Variants in SYT16 observed in about 807,000 individuals in gnomAD.
The protein encoded by SYT16 is synaptotagmin-16.
SYT16 carries 42 observed loss-of-function variants against 61.4 expected under a neutral mutation model. The ratio of observed to expected loss-of-function variants is 0.68; its 90% confidence interval spans 0.53 to 0.89. The LOEUF (loss-of-function observed/expected upper bound fraction) is 0.89. Among genes scored for constraint, SYT16 ranks in the 40% least tolerant of loss-of-function variants. The pLI is 0.00. For synonymous variants in SYT16, 314 were observed against 302.3 expected (o/e 1.04, Z -0.40); for missense variants, 804 against 807.3 (o/e 1.00, Z 0.05).
chr14:62,030,351 C>T (rs1175297938), intron 3 of SYT16, among the ~76,000 whole-genome samples: 2 of 152,156 alleles, frequency 1.3e-5, no homozygotes, highest in Non-Finnish European at 2.9e-5. Context: ...AGAACTTACT[C>T]AGAGAATATT....
chr14:62,086,149 G>A (rs996933123), intron 7 of SYT16, among the ~76,000 whole-genome samples: 2 of 152,100 alleles, frequency 1.3e-5, no homozygotes, highest in African/African-American at 4.8e-5. Flanking sequence ...AACAAACCAA[G>A]GTGTGAATTC....
intron 3 of SYT16, among the ~76,000 whole-genome samples, chr14:62,025,467 T>C (rs2054066990): frequency 2.0e-5 from 3 of 152,136 alleles, no homozygotes; most frequent in Admixed American, 2.0e-4. Flanking sequence ...CTGTTGAGTT[T>C]TAAGAGTTGT....
intron 1 of SYT16, among the ~76,000 whole-genome samples, chr14:61,888,242 C>T (rs377504426): frequency 2.4e-4 from 36 of 151,872 alleles, no homozygotes; most frequent in East Asian, 2.1e-3. Flanking sequence ...CTCAGCCTCC[C>T]GAGTAGCTGG....
chr14:62,087,284 A>G (rs1392180563), intron 7 of SYT16, among the ~76,000 whole-genome samples: 1 of 152,202 alleles, frequency 6.6e-6, no homozygotes, highest in African/African-American at 2.4e-5. Flanking sequence ...TGAGTGGGGA[A>G]AGGCGGAGGC....
At chr14:61,947,976 T>C (rs2050515681) in intron 1 of SYT16, among the ~76,000 whole-genome samples, 1 of 152,126 alleles carries the variant, frequency 6.6e-6, no homozygotes, top group African/African-American at 2.4e-5. Context: ...AAGTACTTGG[T>C]GTGTTTAGAA....
At chr14:61,818,666 A>G (rs917396582) in intron 1 of SYT16, among the ~76,000 whole-genome samples, 3 of 147,328 alleles carry the variant, frequency 2.0e-5, no homozygotes, top group African/African-American at 7.6e-5. Context: ...AGACACAGTG[A>G]GACTCTGTCT....
At chr14:61,854,084 ACACCC>A (rs1009779794) in intron 1 of SYT16, among the ~76,000 whole-genome samples, 3 of 152,122 alleles carry the variant, frequency 2.0e-5, no homozygotes, top group African/African-American at 7.2e-5. Flanking sequence ...TGATACACAC[ACACCC>A]CCACCCCAAT....
chr14:61,957,017 T>C (rs1046355039), intron 1 of SYT16, among the ~76,000 whole-genome samples: 2 of 151,952 alleles, frequency 1.3e-5, no homozygotes, highest in African/African-American at 4.8e-5. Flanking sequence ...CATGTATAAG[T>C]CTTTCACCTC....
At chr14:61,830,529 T>TTA (rs2045905681) in intron 1 of SYT16, among the ~76,000 whole-genome samples, 1 of 152,184 alleles carries the variant, frequency 6.6e-6, no homozygotes, top group Non-Finnish European at 1.5e-5. Context: ...TTCCCAAAAC[T>TTA]TTACTATGTT....
chr14:61,933,269 A>G lies in SYT16; in HGVS notation c.-324-36863A>G, dbSNP rs75358221. On this transcript the variant is annotated intron_variant, in intron 1 of 7. Transcript: ENST00000683842. ...GAGACAGACACAAAGCTCCTTTCCCATTGTCTGTTTTCACAAAGATTCTGG... is the reference window on the plus strand; with the variant it reads ...GAGACAGACACAAAGCTCCTTTCCCGTTGTCTGTTTTCACAAAGATTCTGG... Among the ~76,000 whole-genome samples the G allele has an allele frequency of 3.7e-3, 571 of 152,314 alleles. 3 individuals are homozygous for G. Among genetic ancestry groups the G allele is most frequent in the South Asian group, 0.016 (75 of 4,820 alleles).
chr14:62,048,445 T>A (rs1300045321), intron 3 of SYT16, among the ~76,000 whole-genome samples: 2 of 152,186 alleles, frequency 1.3e-5, no homozygotes, highest in Non-Finnish European at 2.9e-5. Flanking sequence ...ATTCATTGAT[T>A]TTTTGAAGGG....
intron 1 of SYT16, among the ~76,000 whole-genome samples, chr14:61,831,143 C>CAGGG (rs1484254708): frequency 2.0e-5 from 3 of 152,198 alleles, no homozygotes; most frequent in Non-Finnish European, 2.9e-5. Flanking sequence ...GACATCTAGC[C>CAGGG]AGGGATGCTG....
intron 1 of SYT16, among the ~76,000 whole-genome samples, chr14:61,944,803 A>G (rs1162647007): frequency 6.6e-6 from 1 of 152,244 alleles, no homozygotes; most frequent in Non-Finnish European, 1.5e-5. Context: ...AAACCTAGGC[A>G]ATACTATTCA....
intron 2 of SYT16, among the ~76,000 whole-genome samples, chr14:61,992,734 A>G (rs1244775183): frequency 6.6e-6 from 1 of 152,064 alleles, no homozygotes; most frequent in African/African-American, 2.4e-5. Context: ...AAATGCATCC[A>G]GGGGTCGGGC....
chr14:61,837,810 G>A (rs940562454), intron 1 of SYT16, among the ~76,000 whole-genome samples: 4 of 152,218 alleles, frequency 2.6e-5, no homozygotes, highest in Non-Finnish European at 4.4e-5. Context: ...TTTGGGAACT[G>A]TACTTCCTCA....
intron 3 of SYT16, among the ~76,000 whole-genome samples, chr14:62,058,399 C>T (rs951973810): frequency 3.4e-5 from 5 of 148,308 alleles, no homozygotes; most frequent in Admixed American, 6.8e-5. Flanking sequence ...GCTCTGTCAC[C>T]CAGGCTGGAG....
In SYT16 at chr14:62,075,182, G is replaced by A. The variant is rs369414744; in HGVS notation, c.784G>A (p.Gly262Ser). Residue 262 changes from glycine (G) to serine (S), a missense_variant, in exon 5 of 8, where the codon GGT (glycine) becomes AGT (serine). Transcript: ENST00000683842. ...QRRYSENLSY[G>S]EDDHIPAHSQ... ...GCGTTATTCTGAGAATCTCTCCTACGGTGAAGATGACCACATCCCTGCTCA... is the reference window on the plus strand; with the variant it reads ...GCGTTATTCTGAGAATCTCTCCTACAGTGAAGATGACCACATCCCTGCTCA... The A allele has an allele frequency of 1.1e-5, 18 of 1,612,610 alleles. No homozygotes were observed. The highest frequency in any genetic ancestry group is 6.7e-5 in the Admixed American group (4 of 59,712).
intron 2 of SYT16, among the ~76,000 whole-genome samples, chr14:61,991,960 T>A (rs1333573838): frequency 6.6e-6 from 1 of 151,774 alleles, no homozygotes; most frequent in Non-Finnish European, 1.5e-5. Context: ...GTTCATTCAT[T>A]CATTCATTCA....
At chr14:61,864,780 C>A in intron 1 of SYT16, 1 of 944,424 alleles carries the variant, frequency 1.1e-6, no homozygotes, top group Non-Finnish European at 1.6e-6. Flanking sequence ...CGGTTGGGCC[C>A]TAGTGTCTGC....
Sources: gnomAD v4.1 joint callset for allele counts (sites outside exome capture counted in the v4.1 genomes callset) on GRCh38, gnomAD v4.1.1 for gene constraint, MANE v1.5 for transcripts, NCBI Gene and HGNC (gene_info 2026-07-23, HGNC 2026-07-21) for gene names.